The following CBR4 variants were observed in gnomAD, a reference collection of about 807,000 sequenced individuals.
CBR4 encodes carbonyl reductase 4, also known as 3-oxoacyl-[acyl-carrier-protein] reductase.
A neutral mutation model predicts 21.0 loss-of-function variants in CBR4; 22 were observed. The ratio of observed to expected loss-of-function variants is 1.05; its 90% CI spans 0.75 to 1.50. CBR4 has a LOEUF of 1.50. Among genes scored for constraint, CBR4 ranks in the 40% most tolerant of loss-of-function variants. The probability of loss-of-function intolerance (pLI) is 0.00; values close to 1 mark genes in which losing one functional copy is unlikely to be tolerated. For missense variants in CBR4, 302 were observed against 286.3 expected, an observed-to-expected ratio of 1.05 and a Z score of -0.40; for synonymous variants, 100 against 104.4, an observed-to-expected ratio of 0.96 and a Z score of 0.26.
At chr4:168,981,927 A>G (rs1049576392) in intron 2 of CBR4, among the ~76,000 whole-genome samples, 1 of 152,220 alleles carries the variant, frequency 6.6e-6, no homozygotes, top group Non-Finnish European at 1.5e-5. Context: ...TAAATATGAA[A>G]ATGAAAGACC....
At position 169,006,859 on chromosome 4, in the gene CBR4, T is replaced by TCTTCA; in HGVS notation, c.291_295dup (p.Asp99ValfsTer17). ...GTTAGTATGAAGCTGAGATACCATA[T>TCTTCA]CTTCAGTTTTTGTTCTTACTAAAAG... On this transcript the variant is annotated frameshift_variant, in exon 3 of 5. Coordinates refer to ENST00000306193, the MANE Select transcript of CBR4 (RefSeq NM_032783.5). LOFTEE classifies it high-confidence loss of function. The TCTTCA allele has an allele frequency of 6.2e-7, 1 of 1,612,730 alleles. No individual in the cohort carries two copies. Among genetic ancestry groups the TCTTCA allele is most frequent in the Non-Finnish European group, 8.5e-7 (1 of 1,178,766 alleles).
At chr4:168,951,684 C>G (rs1168325472) in intron 2 of CBR4, among the ~76,000 whole-genome samples, 1 of 152,194 alleles carries the variant, frequency 6.6e-6, no homozygotes, top group African/African-American at 2.4e-5. Context: ...CTTAGTTTCA[C>G]TGGATACAAA....
chr4:168,979,065 T>TTGCA (rs760560987), intron 2 of CBR4, among the ~76,000 whole-genome samples: 1 of 152,022 alleles, frequency 6.6e-6, no homozygotes, highest in African/African-American at 2.4e-5. Flanking sequence ...ATAGCATGCC[T>TTGCA]TGCAGAAAAA....
rs376694260 is a variant in CBR4 at position 168,909,042 on chromosome 4, T to C, written n.170-14277A>G. ...CGATGTGTGTAGCTCAAGCAATTCA[T>C]AAGAGACCAAAGCAATCACATAGTT... On this transcript the variant is annotated intron_variant and non_coding_transcript_variant, in intron 2 of 3. Coordinates refer to the CBR4 transcript ENST00000509108. Among the ~76,000 whole-genome samples, 5 of 152,296 alleles carry C rather than the reference T, an allele frequency of 3.3e-5. No homozygotes were observed. In the East Asian group the frequency reaches 9.6e-4, roughly 29 times the overall value.
At chr4:168,973,940 G>A (rs929338640) in intron 2 of CBR4, among the ~76,000 whole-genome samples, 1 of 151,992 alleles carries the variant, frequency 6.6e-6, no homozygotes, top group Non-Finnish European at 1.5e-5. Context: ...GAGATGTAAG[G>A]TACTATTCTA....
intron 2 of CBR4, among the ~76,000 whole-genome samples, chr4:168,909,079 T>A (rs1758380528): frequency 6.6e-6 from 1 of 152,164 alleles, no homozygotes; most frequent in Non-Finnish European, 1.5e-5. Flanking sequence ...AGCAAAATAA[T>A]GAGTGACTGT....
chr4:168,933,579 C>A (rs1363542246), intron 2 of CBR4, among the ~76,000 whole-genome samples: 1 of 152,116 alleles, frequency 6.6e-6, no homozygotes, highest in East Asian at 1.9e-4. Context: ...AACTTTAACA[C>A]CCCACTTTCA....
intron 3 of CBR4, among the ~76,000 whole-genome samples, chr4:169,006,308 C>CTAGG (rs1238677305): frequency 2.0e-5 from 3 of 151,838 alleles, no homozygotes; most frequent in African/African-American, 7.3e-5. Flanking sequence ...AAAGACCAGC[C>CTAGG]TAGGCCACAT....
intron 2 of CBR4, among the ~76,000 whole-genome samples, chr4:168,921,116 C>T (rs1460740685): frequency 2.0e-5 from 3 of 151,982 alleles, no homozygotes; most frequent in Non-Finnish European, 4.4e-5. Flanking sequence ...TACTAAAAGC[C>T]ATCTCTTGGC....
intron 2 of CBR4, among the ~76,000 whole-genome samples, chr4:168,929,747 A>G (rs998586614): frequency 1.3e-5 from 2 of 152,192 alleles, no homozygotes; most frequent in Admixed American, 1.3e-4. Context: ...TATTTGGAAA[A>G]TGGAGATTAA....
At chr4:168,973,720 C>T (rs535958663) in intron 2 of CBR4, among the ~76,000 whole-genome samples, 3 of 152,328 alleles carry the variant, frequency 2.0e-5, no homozygotes, top group South Asian at 4.1e-4. Flanking sequence ...CTCTTAATCT[C>T]GCTACTTGTT....
intron 3 of CBR4, among the ~76,000 whole-genome samples, chr4:169,004,482 T>C (rs1473203079): frequency 6.6e-6 from 1 of 152,258 alleles, no homozygotes; most frequent in Non-Finnish European, 1.5e-5. Context: ...TCTCAATCCC[T>C]GCTATTGCTT....
intron 2 of CBR4, among the ~76,000 whole-genome samples, chr4:168,902,884 G>A (rs1283155872): frequency 6.6e-6 from 1 of 152,090 alleles, no homozygotes; most frequent in Admixed American, 6.5e-5. Context: ...CAATCCTCCT[G>A]ACTCAGCCTT....
downstream of CBR4, among the ~76,000 whole-genome samples, chr4:168,983,209 CACAAT>C: frequency 2.6e-5 from 4 of 152,068 alleles, no homozygotes; most frequent in South Asian, 8.3e-4. Context: ...TCCAAAGAAA[CACAAT>C]CAGAAATGAC....
chr4:168,939,114 T>C (rs1025141821), intron 2 of CBR4, among the ~76,000 whole-genome samples: 8 of 152,208 alleles, frequency 5.3e-5, no homozygotes, highest in African/African-American at 1.9e-4. Flanking sequence ...CAAGTCGACT[T>C]CATCCATGGG....
intron 2 of CBR4, chr4:168,924,173 C>A (rs1762134409): frequency 8.2e-7 from 1 of 1,221,398 alleles, no homozygotes; most frequent in African/African-American, 1.5e-5. Flanking sequence ...TCTATTCAAG[C>A]AATATTCCAA....
intron 2 of CBR4, among the ~76,000 whole-genome samples, chr4:168,957,037 A>G (rs528442028): frequency 1.3e-5 from 2 of 152,330 alleles, no homozygotes; most frequent in Non-Finnish European, 2.9e-5. Context: ...GTAGGTATTA[A>G]TTTCAAATAT....
intron 2 of CBR4, among the ~76,000 whole-genome samples, chr4:168,920,719 G>A (rs1761300761): frequency 6.6e-6 from 1 of 152,148 alleles, no homozygotes; most frequent in Non-Finnish European, 1.5e-5. Flanking sequence ...TGTTGAGATG[G>A]CTTTCTGGGT....
At chr4:168,978,412 C>T (rs752008192) in intron 2 of CBR4, among the ~76,000 whole-genome samples, 2 of 152,188 alleles carry the variant, frequency 1.3e-5, no homozygotes, top group Non-Finnish European at 2.9e-5. Flanking sequence ...TTTAACTAAA[C>T]AGTCCAAGAG....
Sources: allele counts gnomAD v4.1 joint callset (sites outside exome capture counted in the v4.1 genomes callset), GRCh38; gene constraint gnomAD v4.1.1; transcripts MANE v1.5; gene names NCBI Gene and HGNC (gene_info 2026-07-23, HGNC 2026-07-21).